The following CDPF1 variants were observed in gnomAD, a reference collection of about 807,000 sequenced individuals.
CDPF1 encodes the protein cysteine rich DPF motif domain containing 1.
In CDPF1, 8 loss-of-function variants were observed where a neutral mutation model predicts 8.3. The observed-to-expected ratio is 0.96, with a 90% CI of 0.57 to 1.74. The LOEUF is 1.74. Ranked by LOEUF, CDPF1 falls within the 40% of genes most tolerant of loss-of-function variation. The pLI is 0.00. For synonymous variants in CDPF1, 62 were observed against 62.9 expected, an observed-to-expected ratio of 0.99 and a Z score of 0.07; for missense variants, 151 against 155.3, an observed-to-expected ratio of 0.97 and a Z score of 0.15.
Position 46,246,921 on chromosome 22 carries a change from C to T in CDPF1, c.225+189G>A. The stretch of plus-strand genomic sequence containing the variant: ...GAGCCACCAATTACCTATTTCCATT[C>T]CTACACCAGGCTGAGACCCTCTAAC... On this transcript the variant is annotated intron_variant, in intron 3 of 3. Transcript: ENST00000314567. The surrounding 1 kb of genome is among the most constrained non-coding windows in gnomAD (Gnocchi z 7.1). The T allele has an allele frequency of 7.0e-7, 1 of 1,427,874 alleles. No homozygotes were observed. The highest frequency in any genetic ancestry group is 1.4e-5 in the South Asian group (1 of 72,554). 88.5% of individuals were successfully genotyped at this position (1,427,874 alleles called of 1,614,324 possible).
At position 46,245,255 on chromosome 22, in the gene CDPF1, A is replaced by G. The variant is rs749020416; in HGVS notation, c.226-17T>C. On this transcript the variant is annotated splice_polypyrimidine_tract_variant and intron_variant, in intron 3 of 3. Transcript: ENST00000314567. The surrounding 1 kb of genome is among the most constrained non-coding windows in gnomAD (Gnocchi z 6.9). ...ACTGCATTCCTTAAAGAAGTGGACAAGGATGGAGGCTTGAGTATCCTGGGA... is the reference window on the plus strand; with the variant it reads ...ACTGCATTCCTTAAAGAAGTGGACAGGGATGGAGGCTTGAGTATCCTGGGA... The G allele has an allele frequency of 6.2e-7, 1 of 1,613,044 alleles. No homozygotes were observed. The highest frequency in any genetic ancestry group is 8.5e-7 in the Non-Finnish European group (1 of 1,179,218).
Position 46,247,187 on chromosome 22 carries a change from A to G in CDPF1, c.148T>C (p.Phe50Leu), listed in dbSNP as rs774718385. ...LEESYVMKDP[F>L]TSDKDRFLVL... is the part of the protein sequence containing the mutation. The stretch of plus-strand genomic sequence containing the variant: ...AGGAATCTGTCCTTGTCGGAGGTGA[A>G]GGGATCCTTCATGACATAGCTTTCC... Residue 50 changes from phenylalanine to leucine, a missense_variant, in exon 3 of 4, where the codon TTC (phenylalanine) becomes CTC (leucine). By Grantham distance (22) the Phe-to-Leu change is conservative. Coordinates refer to ENST00000314567, the MANE Select transcript of CDPF1 (RefSeq NM_207327.5). The surrounding 1 kb of genome is among the most constrained non-coding windows in gnomAD (Gnocchi z 4.3). The G allele has an allele frequency of 6.2e-7, 1 of 1,613,976 alleles. No homozygotes were observed. Among genetic ancestry groups the G allele is most frequent in the East Asian group, 2.2e-5 (1 of 44,882 alleles).
rs1430675854 is a variant in CDPF1, at chr22:46,246,734, T to C, written c.225+376A>G. 3 of 1,602,564 alleles carry C rather than the reference T, an allele frequency of 1.9e-6. No individual in the cohort carries two copies. The highest frequency in any genetic ancestry group is 8.5e-7 in the Non-Finnish European group (1 of 1,175,126). ...TAAAACAGGTCCCAAGCACAGGACC[T>C]GGCACACAACAAGTGCTCATGAAAG... On this transcript the variant is annotated intron_variant, in intron 3 of 3. Coordinates refer to ENST00000314567, the MANE Select transcript of CDPF1 (RefSeq NM_207327.5). This position sits in a 1 kb window ranked among gnomAD's most constrained non-coding sequence, Gnocchi z 7.1.
chr22:46,247,333 C>T lies in CDPF1; in HGVS notation c.114-112G>A, dbSNP rs1936507149. The T allele has an allele frequency of 1.4e-6, 1 of 726,392 alleles. No individual in the cohort carries two copies. The highest frequency in any genetic ancestry group is 2.4e-6 in the Non-Finnish European group (1 of 409,146). 45.0% of individuals were successfully genotyped at this position (726,392 alleles called of 1,614,324 possible). A position where few individuals can be genotyped will look rare whatever the true frequency, so the allele number is the denominator to read the frequency against. Reference sequence around the variant, plus strand: ...CTGCACCTCTGCAGGGCCTGCATACCTGCGTGGGCTCATCAGGGCAGGGGA... The same window carrying T: ...CTGCACCTCTGCAGGGCCTGCATACTTGCGTGGGCTCATCAGGGCAGGGGA... On this transcript the variant is annotated intron_variant, in intron 2 of 3. Transcript: ENST00000314567. This position sits in a 1 kb window ranked among gnomAD's most constrained non-coding sequence, Gnocchi z 4.3.
At position 46,245,872 on chromosome 22, in the gene CDPF1, A is replaced by G. The variant is rs1936483176; in HGVS notation, c.226-634T>C. On this transcript the variant is annotated intron_variant, in intron 3 of 3. Coordinates refer to ENST00000314567, the MANE Select transcript of CDPF1 (RefSeq NM_207327.5). This position sits in a 1 kb window ranked among gnomAD's most constrained non-coding sequence, Gnocchi z 6.9. ...CAACTGTGTGTGCCACCTCCTGGTCATGCCCTTTGAAGGCATGGACTGTGC... is the reference window on the plus strand; with the variant it reads ...CAACTGTGTGTGCCACCTCCTGGTCGTGCCCTTTGAAGGCATGGACTGTGC... 6.6e-6 allele frequency among the ~76,000 whole-genome samples: 1 copy of G among 152,212 alleles called. No individual in the cohort carries two copies. Among genetic ancestry groups the G allele is most frequent in the South Asian group, 2.1e-4 (1 of 4,832 alleles).
rs1181777103 is a variant in CDPF1, at chr22:46,246,236, G to A, written c.225+874C>T. 6.6e-6 allele frequency among the ~76,000 whole-genome samples: 1 copy of A among 152,090 alleles called. No homozygotes were observed. The highest frequency in any genetic ancestry group is 1.5e-5 in the Non-Finnish European group (1 of 67,990). On this transcript the variant is annotated intron_variant, in intron 3 of 3. Coordinates refer to ENST00000314567, the MANE Select transcript of CDPF1 (RefSeq NM_207327.5). The surrounding 1 kb of genome is among the most constrained non-coding windows in gnomAD (Gnocchi z 7.1). ...AGCTGCAGACTTGTGGTACCTGCGT[G>A]CGCCCCCCACCCCCGCCACCCCGCT... is the stretch of plus-strand genomic sequence containing the variant.
Position 46,246,685 on chromosome 22 carries a change from C to T in CDPF1, c.225+425G>A. 1 of 1,583,208 alleles carries T rather than the reference C, an allele frequency of 6.3e-7. No individual in the cohort carries two copies. Among genetic ancestry groups the T allele is most frequent in the South Asian group, 1.2e-5 (1 of 86,564 alleles). On this transcript the variant is annotated intron_variant, in intron 3 of 3. Transcript: ENST00000314567. The surrounding 1 kb of genome is among the most constrained non-coding windows in gnomAD (Gnocchi z 7.1). ...AATACTGCTTTACCTGACTAAGGGGCAGGACTGAATGAAGCCTCAGCAGTA... is the reference window on the plus strand; with the variant it reads ...AATACTGCTTTACCTGACTAAGGGGTAGGACTGAATGAAGCCTCAGCAGTA...
Position 46,249,635 on chromosome 22 carries a change from C to A in CDPF1, c.-1+621G>T, listed in dbSNP as rs376570553. 6.1e-4 allele frequency among the ~76,000 whole-genome samples: 92 copies of A among 151,778 alleles called. 1 individual carries two copies. In the East Asian group the frequency reaches 0.013, roughly 21 times the overall value. On this transcript the variant is annotated intron_variant, in intron 1 of 3. Coordinates refer to ENST00000314567, the MANE Select transcript of CDPF1 (RefSeq NM_207327.5). The surrounding 1 kb of genome is among the most constrained non-coding windows in gnomAD (Gnocchi z 4.6). ...CTGTACTCCAGCCTGGGCGACAGGGCGAGACTCCTTCTCAAAAAAATAAAA... is the reference window on the plus strand; with the variant it reads ...CTGTACTCCAGCCTGGGCGACAGGGAGAGACTCCTTCTCAAAAAAATAAAA...
At position 46,247,183 on chromosome 22, in the gene CDPF1, G is replaced by T; in HGVS notation, c.152C>A (p.Thr51Asn). ...EESYVMKDPF[T>N]SDKDRFLVLG... Reference sequence around the variant, plus strand: ...GACCAGGAATCTGTCCTTGTCGGAGGTGAAGGGATCCTTCATGACATAGCT... The same window carrying T: ...GACCAGGAATCTGTCCTTGTCGGAGTTGAAGGGATCCTTCATGACATAGCT... The change falls in exon 3 of 4, where the codon ACC (threonine) becomes AAC (asparagine). Residue 51 changes from threonine to asparagine, a missense_variant. Physicochemically the swap from Thr to Asn is moderately conservative, Grantham distance 65. Transcript: ENST00000314567. This position sits in a 1 kb window ranked among gnomAD's most constrained non-coding sequence, Gnocchi z 4.3. 6.2e-7 allele frequency: 1 copy of T among 1,614,086 alleles called. No homozygotes were observed. The highest frequency in any genetic ancestry group is 8.5e-7 in the Non-Finnish European group (1 of 1,179,958).
At position 46,248,763 on chromosome 22, in the gene CDPF1, G is replaced by A. The variant is rs1936530962; in HGVS notation, c.1-479C>T. On this transcript the variant is annotated intron_variant, in intron 1 of 3. Transcript: ENST00000314567. The surrounding 1 kb of genome is among the most constrained non-coding windows in gnomAD (Gnocchi z 4.1). ...TGGCCAGGCGCAGTGGCTCATGCCT[G>A]TAATCCCAGCACTTTGGGAGGCCAA... Among the ~76,000 whole-genome samples, 1 of 152,232 alleles carries A rather than the reference G, an allele frequency of 6.6e-6. No individual in the cohort carries two copies. Among genetic ancestry groups the A allele is most frequent in the Non-Finnish European group, 1.5e-5 (1 of 68,034 alleles).
chr22:46,249,204 T>C lies in CDPF1; in HGVS notation c.1-920A>G, dbSNP rs987137135. On this transcript the variant is annotated intron_variant, in intron 1 of 3. Transcript: ENST00000314567. This position sits in a 1 kb window ranked among gnomAD's most constrained non-coding sequence, Gnocchi z 4.6. ...CTCCTTCTTTGACTATGGAATCAAGTACGACATTATCAGCTGGCCCCTAGC... is the reference window on the plus strand; with the variant it reads ...CTCCTTCTTTGACTATGGAATCAAGCACGACATTATCAGCTGGCCCCTAGC... Among the ~76,000 whole-genome samples the C allele has an allele frequency of 6.6e-6, 1 of 152,168 alleles. No individual in the cohort carries two copies. Among genetic ancestry groups the C allele is most frequent in the Non-Finnish European group, 1.5e-5 (1 of 68,040 alleles).
chr22:46,248,216 C>A lies in CDPF1; in HGVS notation c.69G>T (p.Pro23=), dbSNP rs777668682. The A allele has an allele frequency of 6.2e-7, 1 of 1,613,794 alleles. No homozygotes were observed. The highest frequency in any genetic ancestry group is 1.1e-5 in the South Asian group (1 of 91,020). The part of the protein sequence containing the change: ...FECELCTLTA[P]YSYVGQKPPN... ...GGGGCTTCTGTCCCACATAGCTGTACGGAGCTGTCAAGGTACAGAGTTCAC... is the reference window on the plus strand; with the variant it reads ...GGGGCTTCTGTCCCACATAGCTGTAAGGAGCTGTCAAGGTACAGAGTTCAC... Residue 23 remains proline, a synonymous_variant, in exon 2 of 4, where the codon CCG becomes CCT. Transcript: ENST00000314567. This position sits in a 1 kb window ranked among gnomAD's most constrained non-coding sequence, Gnocchi z 4.1.
rs1230247183 is a variant in CDPF1 at position 46,244,441 on chromosome 22, A to C, written c.*651T>G. ...GCACTCAGCTTCCCAGGAGACCCCA[A>C]CTATTGCCGGGCCAAGTGTCCAGGG... On this transcript the variant is annotated 3_prime_UTR_variant, in exon 4 of 4. Coordinates refer to ENST00000314567, the MANE Select transcript of CDPF1 (RefSeq NM_207327.5). The surrounding 1 kb of genome is among the most constrained non-coding windows in gnomAD (Gnocchi z 6.7). 1 of 152,198 alleles carries C rather than the reference A, an allele frequency of 6.6e-6. No individual in the cohort carries two copies. Among genetic ancestry groups the C allele is most frequent in the Non-Finnish European group, 1.5e-5 (1 of 68,128 alleles). The allele number at this position is 152,198 out of a possible 1,614,324, so 9.4% of individuals were successfully genotyped here.
rs771221630 is a variant in CDPF1 at position 46,247,186 on chromosome 22, A to G, written c.149T>C (p.Phe50Ser). ...CAGGAATCTGTCCTTGTCGGAGGTG[A>G]AGGGATCCTTCATGACATAGCTTTC... ...LEESYVMKDP[F>S]TSDKDRFLVL... Residue 50 changes from phenylalanine (F) to serine (S), a missense_variant, in exon 3 of 4, where the codon TTC (phenylalanine) becomes TCC (serine). Physicochemically the swap from Phe to Ser is radical, Grantham distance 155. Transcript: ENST00000314567. The surrounding 1 kb of genome is among the most constrained non-coding windows in gnomAD (Gnocchi z 4.3). The G allele has an allele frequency of 2.5e-6, 4 of 1,613,884 alleles. No homozygotes were observed. Among genetic ancestry groups the G allele is most frequent in the Non-Finnish European group, 3.4e-6 (4 of 1,179,908 alleles).
rs1936485904 is a variant in CDPF1 at position 46,246,089 on chromosome 22, GTGTC to G, written c.226-855_226-852del. Among the ~76,000 whole-genome samples the G allele has an allele frequency of 6.6e-6, 1 of 152,166 alleles. No homozygotes were observed. Among genetic ancestry groups the G allele is most frequent in the African/African-American group, 2.4e-5 (1 of 41,446 alleles). Reference sequence around the variant, plus strand: ...TTTACTTAGGCCACTCTTATTTTTGGTGTCTGTCTGTTCTTAAAGCTTAGTGTGC... The same window carrying G: ...TTTACTTAGGCCACTCTTATTTTTGGTGTCTGTTCTTAAAGCTTAGTGTGC... On this transcript the variant is annotated intron_variant, in intron 3 of 3. Coordinates refer to ENST00000314567, the MANE Select transcript of CDPF1 (RefSeq NM_207327.5). The surrounding 1 kb of genome is among the most constrained non-coding windows in gnomAD (Gnocchi z 7.1).
At position 46,244,852 on chromosome 22, in the gene CDPF1, C is replaced by T; in HGVS notation, c.*240G>A. The T allele has an allele frequency of 4.0e-6, 2 of 501,954 alleles. No homozygotes were observed. The highest frequency in any genetic ancestry group is 7.2e-6 in the Non-Finnish European group (2 of 276,700). The allele number at this position is 501,954 out of a possible 1,614,324, so 31.1% of individuals were successfully genotyped here. Reference sequence around the variant, plus strand: ...GGCCCTGAGGGGCATGTGGGGGGACCTGGCCGGGTTCCTGGCTGTGTCTTG... The same window carrying T: ...GGCCCTGAGGGGCATGTGGGGGGACTTGGCCGGGTTCCTGGCTGTGTCTTG... On this transcript the variant is annotated 3_prime_UTR_variant, in exon 4 of 4. Coordinates refer to ENST00000314567, the MANE Select transcript of CDPF1 (RefSeq NM_207327.5). The surrounding 1 kb of genome is among the most constrained non-coding windows in gnomAD (Gnocchi z 6.7).
Position 46,245,340 on chromosome 22 carries a change from C to A in CDPF1, c.226-102G>T. 7.8e-7 allele frequency: 1 copy of A among 1,289,066 alleles called. No homozygotes were observed. Among genetic ancestry groups the A allele is most frequent in the Non-Finnish European group, 1.1e-6 (1 of 926,474 alleles). 79.9% of individuals were successfully genotyped at this position (1,289,066 alleles called of 1,614,324 possible). A position where few individuals can be genotyped will look rare whatever the true frequency, so the allele number is the denominator to read the frequency against. ...CCACACTTGGGGGGCTGGGCTGGGG[C>A]CCCAGCATGCACAGTGTGGGCAGGT... On this transcript the variant is annotated intron_variant, in intron 3 of 3. Transcript: ENST00000314567. This position sits in a 1 kb window ranked among gnomAD's most constrained non-coding sequence, Gnocchi z 6.9.
In CDPF1 at chr22:46,245,379, C is replaced by T; in HGVS notation, c.226-141G>A. On this transcript the variant is annotated intron_variant, in intron 3 of 3. Transcript: ENST00000314567. The surrounding 1 kb of genome is among the most constrained non-coding windows in gnomAD (Gnocchi z 6.9). ...GTGTGGGCAGGTGGCCAGAGCTAGA[C>T]CAGCAAGAGGGAGAGCCAGGCCTGA... is the stretch of plus-strand genomic sequence containing the variant. The T allele has an allele frequency of 1.2e-6, 1 of 820,508 alleles. No homozygotes were observed. 50.8% of individuals were successfully genotyped at this position (820,508 alleles called of 1,614,324 possible).
In CDPF1 at chr22:46,246,539, C is replaced by T. The variant is rs113662747; in HGVS notation, c.225+571G>A. 903 of 1,096,614 alleles carry T rather than the reference C, an allele frequency of 8.2e-4. 4 individuals carry two copies. In the Middle Eastern group the frequency reaches 0.01, roughly 12 times the overall value. The allele number at this position is 1,096,614 out of a possible 1,614,324, so 67.9% of individuals were successfully genotyped here. Reference sequence around the variant, plus strand: ...GGGGTCACTCTGAGTACACTGGGCACGCTGTGAAAGCCATGCTGCTCCACT... The same window carrying T: ...GGGGTCACTCTGAGTACACTGGGCATGCTGTGAAAGCCATGCTGCTCCACT... On this transcript the variant is annotated intron_variant, in intron 3 of 3. Coordinates refer to ENST00000314567, the MANE Select transcript of CDPF1 (RefSeq NM_207327.5). The surrounding 1 kb of genome is among the most constrained non-coding windows in gnomAD (Gnocchi z 7.1).
Sources: allele counts gnomAD v4.1 joint callset (sites outside exome capture counted in the v4.1 genomes callset), GRCh38; gene constraint gnomAD v4.1.1; non-coding constraint Gnocchi (gnomAD v3.1); transcripts MANE v1.5; gene names NCBI Gene and HGNC (gene_info 2026-07-23, HGNC 2026-07-21).